SEMA6D: variants seen among roughly 807,000 people sequenced by gnomAD.
SEMA6D encodes the protein semaphorin-6D.
A neutral mutation model predicts 106.6 loss-of-function variants in SEMA6D; 35 were observed. The ratio of observed to expected loss-of-function variants is 0.33; its 90% CI spans 0.25 to 0.44. The LOEUF (loss-of-function observed/expected upper bound fraction) is 0.44, where lower values mean the gene tolerates loss of function less well. Ranked by LOEUF, SEMA6D falls within the 20% of genes least tolerant of loss-of-function variation. The pLI, the probability that SEMA6D is intolerant of heterozygous loss-of-function variation, is 1.00. For missense variants in SEMA6D, 1,185 were observed against 1,345.9 expected (o/e 0.88, Z 1.87); for synonymous variants, 499 against 487.7 (o/e 1.02, Z -0.31).
At chr15:47,221,449 G>C (rs536068970) in intron 1 of SEMA6D, among the ~76,000 whole-genome samples, 1 of 152,110 alleles carries the variant, frequency 6.6e-6, no homozygotes, top group Non-Finnish European at 1.5e-5. Flanking sequence ...TCTTTAAACA[G>C]TTCCTTCATC....
chr15:47,480,908 A>T (rs1330329294), intron 3 of SEMA6D, among the ~76,000 whole-genome samples: 3 of 152,204 alleles, frequency 2.0e-5, no homozygotes, highest in Non-Finnish European at 4.4e-5. Context: ...TCTTCCAGAA[A>T]GCCCTTCTTA....
intron 1 of SEMA6D, among the ~76,000 whole-genome samples, chr15:47,252,235 C>G (rs62014026): frequency 0.012 from 1,763 of 151,952 alleles, 34 homozygotes; most frequent in Admixed American, 0.012. Context: ...TTGAGTGTTG[C>G]GATTTCTTCA....
intron 9 of SEMA6D, 115 bp from the exon 10 acceptor site, chr15:47,763,735 T>C (rs483656): frequency 0.41 from 374,975 of 910,038 alleles, 86,248 homozygotes; most frequent in African/African-American, 0.78. Flanking sequence ...CTGCTAGATT[T>C]TTTTGAACCA....
intron 1 of SEMA6D, among the ~76,000 whole-genome samples, chr15:47,240,459 G>A (rs1480378068): frequency 1.3e-5 from 2 of 152,098 alleles, no homozygotes; most frequent in East Asian, 3.9e-4. Context: ...GGTTGCTTAG[G>A]AAATTTTAAT....
At chr15:47,352,306 A>G (rs949503555) in intron 1 of SEMA6D, among the ~76,000 whole-genome samples, 2 of 152,210 alleles carry the variant, frequency 1.3e-5, no homozygotes, top group Admixed American at 6.5e-5. Context: ...TGAATTGACA[A>G]AGACTCAATA....
chr15:47,592,176 TA>T (rs2076451221), intron 3 of SEMA6D, among the ~76,000 whole-genome samples: 1 of 152,306 alleles, frequency 6.6e-6, no homozygotes, highest in East Asian at 1.9e-4. Context: ...CACTGTTTCA[TA>T]AGTACATTTC....
chr15:47,476,477 A>G (rs911011318), intron 3 of SEMA6D, among the ~76,000 whole-genome samples: 1 of 152,174 alleles, frequency 6.6e-6, no homozygotes, highest in Non-Finnish European at 1.5e-5. Flanking sequence ...GCTTAGAAAC[A>G]GCTTAGAATT....
intron 4 of SEMA6D, among the ~76,000 whole-genome samples, chr15:47,609,279 T>C (rs887060616): frequency 1.3e-5 from 2 of 152,102 alleles, no homozygotes; most frequent in African/African-American, 4.8e-5. Context: ...TAAGAAGATA[T>C]AGAGGGAAGG....
chr15:47,354,898 C>G (rs147524660), intron 1 of SEMA6D, among the ~76,000 whole-genome samples: 1 of 152,090 alleles, frequency 6.6e-6, no homozygotes, highest in East Asian at 1.9e-4. Context: ...TTCAGCCCTA[C>G]GGGACAAAAT....
chr15:47,204,933 G>C lies in SEMA6D; in HGVS notation c.-239+20515G>C, dbSNP rs1027846162. 4.6e-5 allele frequency among the ~76,000 whole-genome samples: 7 copies of C among 152,160 alleles called. 1 individual carries two copies. Among genetic ancestry groups the C allele is most frequent in the Admixed American group, 3.9e-4 (6 of 15,270 alleles). ...CCAAAAAAGTTAGTAGAAAACCTTG[G>C]GGGGAGAAGGGAAAGAAGCTGTAAA... On this transcript the variant is annotated intron_variant, in intron 1 of 19. Transcript: ENST00000558014.
intron 1 of SEMA6D, among the ~76,000 whole-genome samples, chr15:47,222,327 C>T (rs768732846): frequency 6.6e-6 from 1 of 152,162 alleles, no homozygotes; most frequent in Non-Finnish European, 1.5e-5. Context: ...CCACTGGGTA[C>T]AGGACTTGTG....
At chr15:47,461,589 T>A (rs1325832343) in intron 2 of SEMA6D, among the ~76,000 whole-genome samples, 1 of 152,106 alleles carries the variant, frequency 6.6e-6, no homozygotes, top group Non-Finnish European at 1.5e-5. Context: ...TTAATAATAA[T>A]AATGCCCATA....
In SEMA6D at chr15:47,764,676, A is replaced by G; in HGVS notation, c.1136A>G (p.Tyr379Cys). 1.2e-6 allele frequency: 2 copies of G among 1,614,088 alleles called. No homozygotes were observed. The highest frequency in any genetic ancestry group is 8.5e-7 in the Non-Finnish European group (1 of 1,179,920). ...GCAAAACACGGCCTTGCCGAAGCTTATAAAACCTCCATCGATTTCCCGGAT... is the reference window on the plus strand; with the variant it reads ...GCAAAACACGGCCTTGCCGAAGCTTGTAAAACCTCCATCGATTTCCCGGAT... ...CCAKHGLAEA[Y>C]KTSIDFPDET... Residue 379 changes from tyrosine to cysteine, a missense_variant, in exon 12 of 19, where the codon TAT becomes TGT. Physicochemically the swap from Tyr to Cys is radical, Grantham distance 194. This residue lies in a region of SEMA6D where 291 missense variants were observed against 423.8 expected (regional missense o/e 0.69). Coordinates refer to ENST00000536845, the MANE Select transcript of SEMA6D (RefSeq NM_001358351.3).
At chr15:47,357,856 A>G (rs774533506) in intron 1 of SEMA6D, among the ~76,000 whole-genome samples, 36 of 152,202 alleles carry the variant, frequency 2.4e-4, no homozygotes, top group Non-Finnish European at 2.2e-4. Context: ...GTAATATCAG[A>G]GACTGAAACA....
chr15:47,733,819 G>A (rs17329501), intron 1 of SEMA6D, among the ~76,000 whole-genome samples: 29,686 of 152,146 alleles, frequency 0.2, 3,556 homozygotes, highest in Middle Eastern at 0.26. Context: ...TTCAAATCAA[G>A]GATGTTTGGC....
At chr15:47,202,818 G>C (rs759815135) in intron 1 of SEMA6D, among the ~76,000 whole-genome samples, 1 of 152,070 alleles carries the variant, frequency 6.6e-6, no homozygotes, top group Non-Finnish European at 1.5e-5. Context: ...GACCCTTACA[G>C]ATTTTTAGCT....
At chr15:47,416,817 G>A (rs1162468979) in intron 2 of SEMA6D, among the ~76,000 whole-genome samples, 2 of 152,052 alleles carry the variant, frequency 1.3e-5, no homozygotes, top group Non-Finnish European at 2.9e-5. Context: ...AAAACTGCAA[G>A]TATTTTCTAT....
chr15:47,672,613 C>A (rs991625836), intron 4 of SEMA6D, among the ~76,000 whole-genome samples: 1 of 152,006 alleles, frequency 6.6e-6, no homozygotes, highest in African/African-American at 2.4e-5. Flanking sequence ...AAATTTTTAT[C>A]AGCAATCTTG....
intron 4 of SEMA6D, among the ~76,000 whole-genome samples, chr15:47,690,154 A>G (rs1226859865): frequency 6.6e-6 from 1 of 152,194 alleles, no homozygotes; most frequent in African/African-American, 2.4e-5. Context: ...ATGAAGTTAT[A>G]GGCAGTAGGA....
Sources: gnomAD v4.1 joint callset for allele counts (sites outside exome capture counted in the v4.1 genomes callset) on GRCh38, gnomAD v4.1.1 for gene constraint, gnomAD v4.1.1 regional missense constraint, MANE v1.5 for transcripts, NCBI Gene and HGNC (gene_info 2026-07-23, HGNC 2026-07-21) for gene names.